Variants in OIP5 observed in about 807,000 individuals in gnomAD.
OIP5 encodes the protein protein Mis18-beta.
OIP5 carries 24 observed loss-of-function variants against 20.3 expected under a neutral mutation model. The ratio of observed to expected loss-of-function variants is 1.18; its 90% CI spans 0.86 to 1.66. The LOEUF (loss-of-function observed/expected upper bound fraction) is 1.66, where lower values mean the gene tolerates loss of function less well. Ranked by LOEUF, OIP5 falls within the 40% of genes most tolerant of loss-of-function variation. The pLI is 0.00. For missense variants in OIP5, 339 were observed against 289.5 expected (o/e 1.17, Z -1.24); for synonymous variants, 143 against 121.3 (o/e 1.18, Z -1.17).
In OIP5 at chr15:41,332,471, C is replaced by T. The variant is rs1441741053; in HGVS notation, c.91G>A (p.Ala31Thr). Residue 31 changes from alanine to threonine, a missense_variant, in exon 1 of 5, where the codon GCT becomes ACT. Coordinates refer to ENST00000220514, the MANE Select transcript of OIP5 (RefSeq NM_007280.2). ...CACTCCATGGAGGTCGTAAAAGAAGCTTGGTCAATCGCCCTCTCAGTGCCA... is the reference window on the plus strand; with the variant it reads ...CACTCCATGGAGGTCGTAAAAGAAGTTTGGTCAATCGCCCTCTCAGTGCCA... The part of the protein sequence containing the change: ...CGGTERAIDQ[A>T]SFTTSMEWDT... 1.2e-6 allele frequency: 2 copies of T among 1,613,980 alleles called. No homozygotes were observed. Among genetic ancestry groups the T allele is most frequent in the South Asian group, 1.1e-5 (1 of 91,094 alleles).
chr15:41,329,171 C>A (rs1363755651), intron 2 of OIP5, among the ~76,000 whole-genome samples: 1 of 150,336 alleles, frequency 6.7e-6, no homozygotes, highest in Non-Finnish European at 1.5e-5. Context: ...TTAATTCATT[C>A]TCTGACCCCA....
In OIP5 at chr15:41,317,037, A is replaced by G. The variant is rs544418290; in HGVS notation, c.512+2621T>C. On this transcript the variant is annotated intron_variant, in intron 3 of 4. Transcript: ENST00000220514. The stretch of plus-strand genomic sequence containing the variant: ...TCTAAGGATGTTTCAGTTTCTTGTA[A>G]TAAGTAAAAAAGCTTAAGTTAAAAG... Among the ~76,000 whole-genome samples, 30 of 152,268 alleles carry G rather than the reference A, an allele frequency of 2.0e-4. No homozygotes were observed. In the South Asian group the frequency reaches 5.0e-3, roughly 25 times the overall value.
intron 2 of OIP5, 32 bp downstream of exon 2, chr15:41,331,883 G>A (rs2047920314): frequency 6.4e-7 from 1 of 1,572,036 alleles, no homozygotes; most frequent in African/African-American, 1.4e-5. Context: ...TAAAGTCAGG[G>A]ACTAGAGACC....
intron 2 of OIP5, among the ~76,000 whole-genome samples, chr15:41,321,169 GCCCAGCCAGCCGCCCCGTCCA>G (rs1567026190): frequency 9.3e-5 from 14 of 149,952 alleles, no homozygotes; most frequent in African/African-American, 3.5e-4. Context: ...TCAGCCCCCC[GCCCAGCCAGCCGCCCCGTCCA>G]GGAGGGAGGT....
intron 4 of OIP5, among the ~76,000 whole-genome samples, chr15:41,310,703 G>A (rs867051932): frequency 6.6e-6 from 1 of 152,008 alleles, no homozygotes; most frequent in African/African-American, 2.4e-5. Context: ...GAGCAGCACT[G>A]CTACTGTGAA....
At chr15:41,323,181 T>C (rs553208883) in intron 2 of OIP5, among the ~76,000 whole-genome samples, 8 of 152,120 alleles carry the variant, frequency 5.3e-5, no homozygotes, top group Non-Finnish European at 1.2e-4. Flanking sequence ...TATAAACAAA[T>C]GTCTCAGTGG....
At chr15:41,328,184 G>C (rs1036097042) in intron 2 of OIP5, among the ~76,000 whole-genome samples, 36 of 152,328 alleles carry the variant, frequency 2.4e-4, no homozygotes, top group Non-Finnish European at 4.4e-4. Context: ...GTGGAGGATA[G>C]ATATTTTGTT....
chr15:41,329,709 CTTTT>C (rs57186186), intron 2 of OIP5, among the ~76,000 whole-genome samples: 2 of 146,772 alleles, frequency 1.4e-5, no homozygotes, highest in African/African-American at 5.0e-5. Context: ...ATTCATTTTG[CTTTT>C]TTTTTTGAGG....
At chr15:41,321,780 A>ACACTGC (rs1273021634) in intron 2 of OIP5, among the ~76,000 whole-genome samples, 20 of 151,404 alleles carry the variant, frequency 1.3e-4, no homozygotes, top group Middle Eastern at 3.4e-3. Context: ...AGGGACACAA[A>ACACTGC]CACTGCGGAA....
At chr15:41,321,125 C>T (rs1463035737) in intron 2 of OIP5, among the ~76,000 whole-genome samples, 3 of 151,526 alleles carry the variant, frequency 2.0e-5, no homozygotes, top group South Asian at 2.1e-4. Flanking sequence ...CGTCTCCGCC[C>T]GGCAGCCACC....
chr15:41,324,324 G>C lies in OIP5; in HGVS notation c.390-4544C>G, dbSNP rs559572911. On this transcript the variant is annotated intron_variant, in intron 2 of 4. Transcript: ENST00000220514. ...TTTGATACTCTAAACTTCTTCTGCA[G>C]CTTCCTCACCTCTCAGCCTTCACAG... Among the ~76,000 whole-genome samples, 7 of 152,032 alleles carry C rather than the reference G, an allele frequency of 4.6e-5. No homozygotes were observed. In the South Asian group the frequency reaches 1.2e-3, roughly 27 times the overall value.
chr15:41,322,267 C>T (rs369815367), intron 2 of OIP5, among the ~76,000 whole-genome samples: 7 of 151,822 alleles, frequency 4.6e-5, no homozygotes, highest in African/African-American at 1.2e-4. Flanking sequence ...GGTAATACCC[C>T]GTCTTAAAAA....
At chr15:41,321,054 C>T (rs1377675425) in intron 2 of OIP5, among the ~76,000 whole-genome samples, 3 of 150,230 alleles carry the variant, frequency 2.0e-5, no homozygotes, top group Non-Finnish European at 4.5e-5. Context: ...CCGGCAGCCT[C>T]CCTGTCTGAG....
chr15:41,320,110 A>G (rs976796588), intron 2 of OIP5, among the ~76,000 whole-genome samples: 3 of 152,240 alleles, frequency 2.0e-5, no homozygotes, highest in Non-Finnish European at 4.4e-5. Context: ...ACTACAAATC[A>G]TGTAAAATGG....
At chr15:41,313,178 G>C in intron 4 of OIP5, 95 bp downstream of exon 4, 7 of 761,268 alleles carry the variant, frequency 9.2e-6, no homozygotes, top group Non-Finnish European at 1.6e-5. Context: ...GGATTATTGA[G>C]CATCATGCCA....
chr15:41,318,456 C>T (rs2047802322), intron 3 of OIP5, among the ~76,000 whole-genome samples: 1 of 152,014 alleles, frequency 6.6e-6, no homozygotes, highest in African/African-American at 2.4e-5. Flanking sequence ...GCCACTGCAC[C>T]CGGCCCATAA....
intron 2 of OIP5, among the ~76,000 whole-genome samples, chr15:41,325,587 A>C (rs1160786121): frequency 1.3e-5 from 2 of 151,704 alleles, no homozygotes; most frequent in Non-Finnish European, 2.9e-5. Context: ...GCAGTGGCTC[A>C]CACCCGTAAT....
rs1055119226 is a variant in OIP5 at position 41,331,997 on chromosome 15, C to T, written c.323-16G>A. 1 of 1,612,980 alleles carries T rather than the reference C, an allele frequency of 6.2e-7. No individual in the cohort carries two copies. Among genetic ancestry groups the T allele is most frequent in the Middle Eastern group, 1.6e-4 (1 of 6,062 alleles). Reference sequence around the variant, plus strand: ...TTTGTAACTCCTAGGAAGACAAACACGGGTCAGAACCCATACTCTGCGGGC... The same window carrying T: ...TTTGTAACTCCTAGGAAGACAAACATGGGTCAGAACCCATACTCTGCGGGC... On this transcript the variant is annotated splice_polypyrimidine_tract_variant and intron_variant, in intron 1 of 4. Coordinates refer to ENST00000220514, the MANE Select transcript of OIP5 (RefSeq NM_007280.2).
chr15:41,314,292 G>C (rs946770714), intron 3 of OIP5, among the ~76,000 whole-genome samples: 5 of 152,092 alleles, frequency 3.3e-5, no homozygotes, highest in African/African-American at 1.2e-4. Context: ...AGTAGAGATG[G>C]GGTTTCACCA....
Sources: gnomAD v4.1 joint callset for allele counts (sites outside exome capture counted in the v4.1 genomes callset) on GRCh38, gnomAD v4.1.1 for gene constraint, MANE v1.5 for transcripts, NCBI Gene and HGNC (gene_info 2026-07-23, HGNC 2026-07-21) for gene names.